Variants in FHIP1A observed in about 807,000 individuals in gnomAD.
FHIP1A encodes the protein FHF complex subunit HOOK-interacting protein 1A.
FHIP1A carries 61 observed loss-of-function variants against 88.6 expected under a neutral mutation model. The observed-to-expected ratio is 0.69, with a 90% confidence interval of 0.56 to 0.85. The LOEUF is 0.85. Ranked by LOEUF, FHIP1A falls within the 40% of genes least tolerant of loss-of-function variation. FHIP1A has a pLI of 0.00. For missense variants in FHIP1A, 1,154 were observed against 1,273.5 expected (o/e 0.91, Z 1.43); for synonymous variants, 478 against 496.0 (o/e 0.96, Z 0.48).
chr4:151,634,842 G>A (rs1039845451), intron 8 of FHIP1A, among the ~76,000 whole-genome samples: 2 of 151,834 alleles, frequency 1.3e-5, no homozygotes, highest in Non-Finnish European at 3.0e-5. Flanking sequence ...AATGGATTTT[G>A]TAATAATTTC....
At chr4:151,660,293 AG>A (rs1737406919) in intron 13 of FHIP1A, among the ~76,000 whole-genome samples, 1 of 152,272 alleles carries the variant, frequency 6.6e-6, no homozygotes, top group African/African-American at 2.4e-5. Context: ...TAGTGAAGAC[AG>A]TTCTGATTCT....
chr4:151,484,668 A>G (rs1435879402), intron 3 of FHIP1A, among the ~76,000 whole-genome samples: 1 of 152,194 alleles, frequency 6.6e-6, no homozygotes, highest in East Asian at 1.9e-4. Flanking sequence ...AATGTGTATG[A>G]TAGTCCTCAG....
At position 151,482,752 on chromosome 4, in the gene FHIP1A, C is replaced by T. The variant is rs148973393; in HGVS notation, c.-123+104C>T. The T allele has an allele frequency of 6.6e-5, 10 of 151,874 alleles. No homozygotes were observed. The East Asian group carries it at 1.9e-3, about 29-fold the overall frequency. The allele number at this position is 151,874 out of a possible 1,614,324, so 9.4% of individuals were successfully genotyped here. On this transcript the variant is annotated intron_variant, in intron 3 of 13. Coordinates refer to ENST00000435205, the MANE Select transcript of FHIP1A (RefSeq NM_001109977.3). ...GCAAGTCTACTTGAACTTACACATCCATGTGAACATTATCTTGTTTAAAAT... is the reference window on the plus strand; with the variant it reads ...GCAAGTCTACTTGAACTTACACATCTATGTGAACATTATCTTGTTTAAAAT...
chr4:151,571,810 T>C (rs1180958357), intron 4 of FHIP1A, among the ~76,000 whole-genome samples: 1 of 152,240 alleles, frequency 6.6e-6, no homozygotes, highest in Non-Finnish European at 1.5e-5. Flanking sequence ...TTCCAAGACT[T>C]ACAGGTAGCT....
At chr4:151,564,379 T>A (rs1457041585) in intron 3 of FHIP1A, among the ~76,000 whole-genome samples, 1 of 152,204 alleles carries the variant, frequency 6.6e-6, no homozygotes, top group East Asian at 1.9e-4. Flanking sequence ...TGATTCAGAA[T>A]CTTGTTTTAT....
rs72730114 is a variant in FHIP1A at position 151,650,578 on chromosome 4, G to A, written c.2537G>A (p.Ser846Asn). 1 of 1,549,910 alleles carries A rather than the reference G, an allele frequency of 6.5e-7. No homozygotes were observed. The highest frequency in any genetic ancestry group is 8.7e-7 in the Non-Finnish European group (1 of 1,146,302). ...FASRHPVRTQ[S>N]TPFTGPFISV... ...AGTCGCCATCCCGTGAGGACTCAAAGCACCCCATTCACAGGTGACCATCTT... is the reference window on the plus strand; with the variant it reads ...AGTCGCCATCCCGTGAGGACTCAAAACACCCCATTCACAGGTGACCATCTT... The change falls in exon 11 of 14, where the codon AGC becomes AAC. Residue 846 changes from serine (S) to asparagine (N), a missense_variant. Physicochemically the swap from Ser to Asn is conservative, Grantham distance 46 (BLOSUM62 1). Transcript: ENST00000435205.
At chr4:151,561,999 C>T (rs1190790743) in intron 3 of FHIP1A, among the ~76,000 whole-genome samples, 2 of 152,110 alleles carry the variant, frequency 1.3e-5, no homozygotes, top group African/African-American at 4.8e-5. Flanking sequence ...CTAAGAAATC[C>T]TACTTTAGTT....
At chr4:151,505,312 G>A (rs927382683) in intron 3 of FHIP1A, among the ~76,000 whole-genome samples, 1 of 152,176 alleles carries the variant, frequency 6.6e-6, no homozygotes, top group Non-Finnish European at 1.5e-5. Context: ...AGGAATTGGG[G>A]AGGCTATAGA....
chr4:151,423,647 C>T (rs1455234277), intron 1 of FHIP1A, among the ~76,000 whole-genome samples: 18 of 152,118 alleles, frequency 1.2e-4, no homozygotes, highest in Admixed American at 1.2e-3. Flanking sequence ...ATGCAAGGTA[C>T]TTAACATGGA....
At chr4:151,459,893 C>T (rs753768539) in intron 2 of FHIP1A, among the ~76,000 whole-genome samples, 74 of 152,224 alleles carry the variant, frequency 4.9e-4, no homozygotes, top group Non-Finnish European at 8.7e-4. Context: ...AGACCTTTTG[C>T]ATACACTTGG....
chr4:151,631,002 G>A (rs968723757), intron 8 of FHIP1A, among the ~76,000 whole-genome samples: 4 of 152,110 alleles, frequency 2.6e-5, no homozygotes, highest in Non-Finnish European at 4.4e-5. Flanking sequence ...CACAGTGAAA[G>A]CATTGTTTAA....
intron 4 of FHIP1A, among the ~76,000 whole-genome samples, chr4:151,575,478 T>C (rs1324200592): frequency 2.0e-5 from 3 of 152,054 alleles, no homozygotes; most frequent in Non-Finnish European, 2.9e-5. Context: ...TGGTGGAGGT[T>C]GTAGGATAGT....
At chr4:151,478,154 A>G (rs1729773859) in intron 2 of FHIP1A, among the ~76,000 whole-genome samples, 1 of 152,196 alleles carries the variant, frequency 6.6e-6, no homozygotes, top group Non-Finnish European at 1.5e-5. Context: ...TTACAGCTGT[A>G]CACTCGAAAA....
intron 5 of FHIP1A, among the ~76,000 whole-genome samples, chr4:151,584,323 A>C (rs1211406502): frequency 6.6e-6 from 1 of 152,200 alleles, no homozygotes; most frequent in Non-Finnish European, 1.5e-5. Flanking sequence ...GAAGATAGGC[A>C]ATACACTAAT....
chr4:151,626,949 C>T (rs925548583), intron 7 of FHIP1A, among the ~76,000 whole-genome samples: 16 of 152,226 alleles, frequency 1.1e-4, no homozygotes, highest in African/African-American at 3.9e-4. Context: ...GTCTCATCCT[C>T]GTTAAGGAGG....
intron 7 of FHIP1A, among the ~76,000 whole-genome samples, chr4:151,603,677 A>G (rs749719916): frequency 7.9e-5 from 12 of 152,324 alleles, no homozygotes; most frequent in Non-Finnish European, 1.3e-4. Flanking sequence ...TCCCGAGGCT[A>G]GCTTAATTCA....
chr4:151,450,598 C>T (rs73861817), intron 1 of FHIP1A, among the ~76,000 whole-genome samples: 2,652 of 152,196 alleles, frequency 0.017, 74 homozygotes, highest in African/African-American at 0.06. Context: ...AGTGATATTG[C>T]TGAGTAATAC....
At chr4:151,483,241 C>G (rs1272906610) in intron 3 of FHIP1A, among the ~76,000 whole-genome samples, 1 of 151,776 alleles carries the variant, frequency 6.6e-6, no homozygotes. Context: ...CTATGTTAAT[C>G]AGAAACTTCC....
At chr4:151,432,765 T>G (rs1337181495) in intron 1 of FHIP1A, among the ~76,000 whole-genome samples, 1 of 152,096 alleles carries the variant, frequency 6.6e-6, no homozygotes, top group Non-Finnish European at 1.5e-5. Context: ...ATCAGAAGTG[T>G]GTTTAGGATG....
Sources: gnomAD v4.1 joint callset for allele counts (sites outside exome capture counted in the v4.1 genomes callset) on GRCh38, gnomAD v4.1.1 for gene constraint, MANE v1.5 for transcripts, NCBI Gene and HGNC (gene_info 2026-07-23, HGNC 2026-07-21) for gene names.